SPECC1L: variants seen among roughly 807,000 people sequenced by gnomAD.
SPECC1L encodes the protein cytospin-A.
In SPECC1L, 40 loss-of-function variants were observed where a neutral mutation model predicts 116.8. The observed-to-expected ratio is 0.34, with a 90% confidence interval of 0.27 to 0.45. The LOEUF is 0.45. Among genes scored for constraint, SPECC1L ranks in the 20% least tolerant of loss-of-function variants. The pLI, the probability that SPECC1L is intolerant of heterozygous loss-of-function variation, is 1.00. For synonymous variants in SPECC1L, 504 were observed against 500.6 expected, an observed-to-expected ratio of 1.01 and a Z score of -0.09; for missense variants, 1,110 against 1,373.6, an observed-to-expected ratio of 0.81 and a Z score of 3.03.
rs62233098 is a variant in SPECC1L, at chr22:24,306,995, A to C, written c.153+4611A>C. Reference sequence around the variant, plus strand: ...ATGTGTCAGAATTCCTTCCGTTTTTAAGGCTCAATAGTGTTCATTGTATGT... The same window carrying C: ...ATGTGTCAGAATTCCTTCCGTTTTTCAGGCTCAATAGTGTTCATTGTATGT... On this transcript the variant is annotated intron_variant, in intron 3 of 16. Coordinates refer to ENST00000314328, the MANE Select transcript of SPECC1L (RefSeq NM_015330.6). Among the ~76,000 whole-genome samples, 1,129 of 152,298 alleles carry C rather than the reference A, an allele frequency of 7.4e-3. 6 individuals are homozygous for C. Among genetic ancestry groups the C allele is most frequent in the South Asian group, 0.012 (60 of 4,822 alleles).
intron 8 of SPECC1L, among the ~76,000 whole-genome samples, chr22:24,332,967 G>A (rs935899341): frequency 6.6e-6 from 1 of 152,238 alleles, no homozygotes; most frequent in African/African-American, 2.4e-5. Context: ...AGTGGCTCAT[G>A]CCTGTGGTCC....
At chr22:24,411,044 C>T (rs897503209) in intron 14 of SPECC1L, among the ~76,000 whole-genome samples, 1 of 151,886 alleles carries the variant, frequency 6.6e-6, no homozygotes, top group African/African-American at 2.4e-5. Context: ...AAAAAATAGC[C>T]GGGTGTGGTG....
At chr22:24,393,539 T>C (rs115665262) in intron 14 of SPECC1L, among the ~76,000 whole-genome samples, 6,378 of 152,310 alleles carry the variant, frequency 0.042, 448 homozygotes, top group African/African-American at 0.14. Context: ...GGACTGTGCC[T>C]GGACTGTATC....
At chr22:24,356,318 A>T (rs1226199240) in intron 11 of SPECC1L, among the ~76,000 whole-genome samples, 3 of 152,144 alleles carry the variant, frequency 2.0e-5, no homozygotes, top group East Asian at 1.9e-4. Flanking sequence ...TTTTAGTTCT[A>T]TCAGGTTTTA....
At chr22:24,321,071 T>C (rs1217123084) in intron 4 of SPECC1L, among the ~76,000 whole-genome samples, 2 of 152,240 alleles carry the variant, frequency 1.3e-5, no homozygotes, top group East Asian at 1.9e-4. Context: ...TAAAACAAAG[T>C]GTATAACTTA....
intron 13 of SPECC1L, among the ~76,000 whole-genome samples, chr22:24,367,749 G>A (rs957805963): frequency 5.9e-5 from 9 of 152,092 alleles, no homozygotes; most frequent in Admixed American, 4.6e-4. Flanking sequence ...ATTTCCTAGC[G>A]CACTTTGGAG....
chr22:24,324,107 A>G, intron 5 of SPECC1L, 113 bp from the exon 6 acceptor site: 1 of 839,942 alleles, frequency 1.2e-6, no homozygotes, highest in Non-Finnish European at 2.0e-6. Flanking sequence ...GTTTTAGTTT[A>G]TCCATAGTGC....
Position 24,319,360 on chromosome 22 carries a change from C to A in SPECC1L, c.308-1928C>A, listed in dbSNP as rs547566826. ...CAAAGGGGAAGCCCCTTACCATCGGCTGTCATGAGAACTCACTATCACGAG... is the reference window on the plus strand; with the variant it reads ...CAAAGGGGAAGCCCCTTACCATCGGATGTCATGAGAACTCACTATCACGAG... On this transcript the variant is annotated intron_variant, in intron 4 of 16. Transcript: ENST00000314328. Among the ~76,000 whole-genome samples, 4 of 152,334 alleles carry A rather than the reference C, an allele frequency of 2.6e-5. No homozygotes were observed. In the East Asian group the frequency reaches 5.8e-4, roughly 22 times the overall value.
chr22:24,283,717 A>G (rs1266031353), intron 2 of SPECC1L, among the ~76,000 whole-genome samples: 1 of 152,222 alleles, frequency 6.6e-6, no homozygotes, highest in Non-Finnish European at 1.5e-5. Flanking sequence ...TCTTTGTAGG[A>G]AAGTTTTTAA....
At chr22:24,356,567 A>T (rs1281115040) in intron 11 of SPECC1L, among the ~76,000 whole-genome samples, 1 of 152,042 alleles carries the variant, frequency 6.6e-6, no homozygotes, top group Non-Finnish European at 1.5e-5. Flanking sequence ...ATTTAAAGTA[A>T]GTTTCTTGTA....
intron 4 of SPECC1L, among the ~76,000 whole-genome samples, chr22:24,317,748 G>A (rs1183383416): frequency 2.0e-5 from 3 of 149,186 alleles, no homozygotes; most frequent in East Asian, 2.0e-4. Flanking sequence ...GGGCGGAGGG[G>A]CTCCTCACTT....
intron 15 of SPECC1L, chr22:24,412,302 A>C: frequency 2.5e-6 from 1 of 397,150 alleles, no homozygotes; most frequent in Non-Finnish European, 4.8e-6. Context: ...ACAACCCTCG[A>C]AGATCCCTGT....
chr22:24,373,409 A>G (rs941970035), intron 14 of SPECC1L, among the ~76,000 whole-genome samples: 1 of 152,218 alleles, frequency 6.6e-6, no homozygotes, highest in African/African-American at 2.4e-5. Context: ...ACAGCATGGT[A>G]CTGGTACCAA....
chr22:24,320,560 A>G (rs2040700691), intron 4 of SPECC1L, among the ~76,000 whole-genome samples: 1 of 152,172 alleles, frequency 6.6e-6, no homozygotes, highest in African/African-American at 2.4e-5. Flanking sequence ...TTGGCAAATT[A>G]TTTAACATCT....
intron 14 of SPECC1L, among the ~76,000 whole-genome samples, chr22:24,372,899 C>G (rs572789482): frequency 1.3e-5 from 2 of 152,328 alleles, no homozygotes; most frequent in African/African-American, 2.4e-5. Flanking sequence ...CCAGAATCTC[C>G]TTAAGCTGAT....
At chr22:24,359,983 T>C (rs1320511546) in intron 11 of SPECC1L, among the ~76,000 whole-genome samples, 1 of 152,182 alleles carries the variant, frequency 6.6e-6, no homozygotes, top group African/African-American at 2.4e-5. Context: ...GACCCCAAGT[T>C]CCATGAGAGC....
intron 2 of SPECC1L, among the ~76,000 whole-genome samples, chr22:24,294,304 G>A (rs2049214479): frequency 7.0e-6 from 1 of 142,910 alleles, no homozygotes; most frequent in African/African-American, 2.6e-5. Flanking sequence ...AAAGGATGGG[G>A]ACCTATTTTG....
chr22:24,390,872 C>CTTTTTTTTTTTTTTTTTTTTTTTTTTT (rs1016008966), intron 14 of SPECC1L, among the ~76,000 whole-genome samples: 1 of 57,118 alleles, frequency 1.8e-5, no homozygotes, highest in Non-Finnish European at 3.1e-5. Context: ...TTTTTCTTTT[C>CTTTTTTTTTTTTTTTTTTTTTTTTTTT]TTTTTTTTTT....
chr22:24,280,942 G>A (rs1413219661), intron 2 of SPECC1L, among the ~76,000 whole-genome samples: 2 of 152,030 alleles, frequency 1.3e-5, no homozygotes, highest in African/African-American at 4.8e-5. Flanking sequence ...AACATTCTTA[G>A]TTTTTGGGCT....
Sources: gnomAD v4.1 joint callset for allele counts (sites outside exome capture counted in the v4.1 genomes callset) on GRCh38, gnomAD v4.1.1 for gene constraint, MANE v1.5 for transcripts, NCBI Gene and HGNC (gene_info 2026-07-23, HGNC 2026-07-21) for gene names.